Variants in SLFN12L observed in about 807,000 individuals in gnomAD.
SLFN12L encodes schlafen family member 12-like.
Under a neutral mutation model 34.8 loss-of-function variants are expected in SLFN12L, and 34 were observed. The observed-to-expected ratio is 0.98, with a 90% CI of 0.74 to 1.30. SLFN12L has a LOEUF of 1.30. SLFN12L is among the 50% of genes most tolerant of loss of function. SLFN12L has a pLI of 0.00. For missense variants in SLFN12L, 703 were observed against 696.2 expected (o/e 1.01, Z -0.11); for synonymous variants, 259 against 247.5 (o/e 1.05, Z -0.44).
chr17:35,532,498 A>C (rs2072421565), intron 1 of SLFN12L, among the ~76,000 whole-genome samples: 1 of 151,990 alleles, frequency 6.6e-6, no homozygotes, highest in African/African-American at 2.4e-5. Flanking sequence ...TTGATAGTGC[A>C]GATAAATCAA....
chr17:35,535,721 T>C (rs984228277), intron 1 of SLFN12L, among the ~76,000 whole-genome samples: 1 of 152,048 alleles, frequency 6.6e-6, no homozygotes, highest in Admixed American at 6.6e-5. Flanking sequence ...AGTGGCAGGA[T>C]CTCAGCTAAC....
At chr17:35,514,441 CCTAT>C in intron 2 of SLFN12L, among the ~76,000 whole-genome samples, 1 of 152,320 alleles carries the variant, frequency 6.6e-6, no homozygotes, top group East Asian at 1.9e-4. Flanking sequence ...CACTTTTCTG[CCTAT>C]CTTTCAACAC....
intron 1 of SLFN12L, among the ~76,000 whole-genome samples, chr17:35,532,892 A>C (rs556222274): frequency 5.9e-4 from 90 of 152,182 alleles, no homozygotes; most frequent in Non-Finnish European, 1.1e-3. Flanking sequence ...TCAAAAACAA[A>C]AACAAACCAA....
intron 2 of SLFN12L, among the ~76,000 whole-genome samples, chr17:35,507,402 C>A (rs936031341): frequency 1.3e-4 from 20 of 152,152 alleles, no homozygotes; most frequent in African/African-American, 4.8e-4. Context: ...ATAAGACTGG[C>A]AGAGCCTTGA....
intron 2 of SLFN12L, among the ~76,000 whole-genome samples, chr17:35,518,651 G>C (rs930086196): frequency 2.6e-5 from 4 of 151,664 alleles, no homozygotes; most frequent in African/African-American, 4.8e-5. Context: ...CAATGAGATA[G>C]CATCTCACAC....
intron 2 of SLFN12L, chr17:35,498,223 G>T (rs1259824684): frequency 2.6e-6 from 2 of 767,434 alleles, no homozygotes; most frequent in East Asian, 4.9e-5. Flanking sequence ...GTCATGAAAT[G>T]AGTGCGTACC....
At chr17:35,512,577 A>G (rs191841594) in intron 2 of SLFN12L, among the ~76,000 whole-genome samples, 1 of 152,240 alleles carries the variant, frequency 6.6e-6, no homozygotes, top group East Asian at 1.9e-4. Flanking sequence ...TGTGTTAGCC[A>G]GGATGGCCTG....
At chr17:35,496,735 G>T (rs1162096785) in intron 2 of SLFN12L, among the ~76,000 whole-genome samples, 1 of 152,170 alleles carries the variant, frequency 6.6e-6, no homozygotes, top group African/African-American at 2.4e-5. Flanking sequence ...CTTTCCCTTT[G>T]CAGGTGTATG....
chr17:35,502,739 T>C (rs989349754), intron 2 of SLFN12L, among the ~76,000 whole-genome samples: 2 of 152,228 alleles, frequency 1.3e-5, no homozygotes, highest in Non-Finnish European at 2.9e-5. Context: ...CAGTGTAACA[T>C]GTATTATAGT....
chr17:35,528,949 C>T (rs1343298103), intron 1 of SLFN12L, among the ~76,000 whole-genome samples: 1 of 152,086 alleles, frequency 6.6e-6, no homozygotes, highest in Non-Finnish European at 1.5e-5. Flanking sequence ...ATCCATGTGA[C>T]AAAGGGCTAA....
chr17:35,495,592 C>G (rs1026953997), intron 2 of SLFN12L, among the ~76,000 whole-genome samples: 1 of 152,136 alleles, frequency 6.6e-6, no homozygotes, highest in Non-Finnish European at 1.5e-5. Context: ...CTGCAGGTGT[C>G]CCTGCTCCCC....
chr17:35,498,379 C>A (rs1236312602), intron 2 of SLFN12L: 5 of 1,129,554 alleles, frequency 4.4e-6, no homozygotes, highest in Non-Finnish European at 6.8e-6. Flanking sequence ...TCTCATTGTG[C>A]CGACATAGTG....
At chr17:35,495,394 T>C (rs1206539584) in intron 2 of SLFN12L, among the ~76,000 whole-genome samples, 1 of 152,180 alleles carries the variant, frequency 6.6e-6, no homozygotes, top group Admixed American at 6.5e-5. Context: ...TTATACACTT[T>C]AAATACGTAC....
intron 2 of SLFN12L, among the ~76,000 whole-genome samples, chr17:35,501,842 C>T (rs1025794145): frequency 1.3e-5 from 2 of 152,150 alleles, no homozygotes; most frequent in African/African-American, 4.8e-5. Context: ...GCACCCAGAC[C>T]AGTTCCCATA....
Position 35,464,676 on chromosome 17 carries a change from G to A in SLFN12L, c.*10247C>T, listed in dbSNP as rs1913693750. 1.3e-5 allele frequency: 2 copies of A among 152,024 alleles called. No homozygotes were observed. The highest frequency in any genetic ancestry group is 2.1e-4 in the South Asian group (1 of 4,818). 9.4% of individuals were successfully genotyped at this position (152,024 alleles called of 1,614,324 possible). On this transcript the variant is annotated 3_prime_UTR_variant, in exon 5 of 5. Transcript: ENST00000628453. ...TCTTTATCTAATCTGTCATTGATGA[G>A]CATTTAGGTTAATATAGACATAATG...
rs372629814 is a variant in SLFN12L at position 35,511,651 on chromosome 17, A to T, written c.86+10628T>A. ...CTAGCTACTCAGGAGCAGGAGGCTG[A>T]GGTGGAAGGATCCCTTGAGCCCAAG... On this transcript the variant is annotated intron_variant, in intron 2 of 4. Transcript: ENST00000628453. Among the ~76,000 whole-genome samples, 7 of 152,176 alleles carry T rather than the reference A, an allele frequency of 4.6e-5. No homozygotes were observed. The East Asian group carries it at 1.3e-3, about 29-fold the overall frequency.
chr17:35,483,343 C>G (rs1052194804), intron 2 of SLFN12L, among the ~76,000 whole-genome samples: 2 of 152,176 alleles, frequency 1.3e-5, no homozygotes, highest in African/African-American at 2.4e-5. Flanking sequence ...CCTCATTCTT[C>G]CTGGACACAG....
chr17:35,533,847 G>A lies in SLFN12L; in HGVS notation c.-606+3726C>T, dbSNP rs142830636. 4.4e-3 allele frequency among the ~76,000 whole-genome samples: 673 copies of A among 151,378 alleles called. 3 individuals carry two copies. Among genetic ancestry groups the A allele is most frequent in the African/African-American group, 0.015 (638 of 41,232 alleles). On this transcript the variant is annotated intron_variant, in intron 1 of 4. Transcript: ENST00000628453. ...TGTAATCCCAGCACTTTGGGAGGCC[G>A]AGGCGGGCAGATCACCTGAGGTCAG...
rs1913777754 is a variant in SLFN12L, at chr17:35,469,912, A to C, written c.*5011T>G. On this transcript the variant is annotated 3_prime_UTR_variant, in exon 5 of 5. Coordinates refer to ENST00000628453, the MANE Select transcript of SLFN12L (RefSeq NM_001363830.2). ...TGCCCAGCTGGACCTTTCCCACAGA[A>C]ACCCTAATAATAAAGGTTCCGAATT... Among the ~76,000 whole-genome samples, 1 of 152,134 alleles carries C rather than the reference A, an allele frequency of 6.6e-6. No homozygotes were observed. The highest frequency in any genetic ancestry group is 2.4e-5 in the African/African-American group (1 of 41,428).
Sources: allele counts gnomAD v4.1 joint callset (sites outside exome capture counted in the v4.1 genomes callset), GRCh38; gene constraint gnomAD v4.1.1; transcripts MANE v1.5; gene names NCBI Gene and HGNC (gene_info 2026-07-23, HGNC 2026-07-21).